ADK: variants seen among roughly 807,000 people sequenced by gnomAD.
ADK encodes adenosine kinase.
In ADK, 24 loss-of-function variants were observed where a neutral mutation model predicts 44.7. That is an observed-to-expected ratio of 0.54 (90% confidence interval 0.39 to 0.76). The LOEUF (loss-of-function observed/expected upper bound fraction) is 0.76. ADK is among the 30% of genes least tolerant of loss of function. ADK has a pLI of 0.00. For synonymous variants in ADK, 128 were observed against 142.6 expected, an observed-to-expected ratio of 0.90 and a Z score of 0.73; for missense variants, 321 against 425.1, an observed-to-expected ratio of 0.76 and a Z score of 2.15.
chr10:74,345,600 A>C (rs1159802751), intron 4 of ADK, among the ~76,000 whole-genome samples: 1 of 152,058 alleles, frequency 6.6e-6, no homozygotes, highest in African/African-American at 2.4e-5. Flanking sequence ...GAGCCACCAC[A>C]TCCAGCCTGC....
At chr10:74,158,748 T>A (rs568262474) in intron 1 of ADK, among the ~76,000 whole-genome samples, 1 of 152,356 alleles carries the variant, frequency 6.6e-6, no homozygotes, top group Non-Finnish European at 1.5e-5. Context: ...GGAACAATAA[T>A]TTCTCATCAG....
chr10:74,310,187 A>C (rs890531689), intron 3 of ADK, among the ~76,000 whole-genome samples: 1 of 152,166 alleles, frequency 6.6e-6, no homozygotes, highest in South Asian at 2.1e-4. Context: ...GGAGAAAGTA[A>C]GAAGGAATCT....
chr10:74,381,141 A>C (rs1049767624), intron 4 of ADK, among the ~76,000 whole-genome samples: 3 of 152,162 alleles, frequency 2.0e-5, no homozygotes, highest in African/African-American at 7.2e-5. Context: ...AAAATCTGTT[A>C]ATATATGTTA....
intron 7 of ADK, among the ~76,000 whole-genome samples, chr10:74,578,376 C>T (rs748314537): frequency 1.3e-5 from 2 of 151,928 alleles, no homozygotes; most frequent in African/African-American, 2.4e-5. Flanking sequence ...TGAAGGAAGT[C>T]CTGTCAAAAG....
At chr10:74,680,063 C>T (rs1855546304) in intron 10 of ADK, among the ~76,000 whole-genome samples, 1 of 151,828 alleles carries the variant, frequency 6.6e-6, no homozygotes, top group Non-Finnish European at 1.5e-5. Context: ...GCCTGTAATC[C>T]CAGCACTTTG....
chr10:74,205,794 C>T (rs967722635), intron 2 of ADK, among the ~76,000 whole-genome samples: 2 of 150,596 alleles, frequency 1.3e-5, no homozygotes, highest in Non-Finnish European at 3.0e-5. Context: ...AACCTTTTGA[C>T]AAAATCTAAT....
At chr10:74,513,127 G>A (rs770985127) in intron 6 of ADK, among the ~76,000 whole-genome samples, 1 of 152,008 alleles carries the variant, frequency 6.6e-6, no homozygotes, top group Non-Finnish European at 1.5e-5. Context: ...ATAAGTACTT[G>A]ATATTTTGAT....
At chr10:74,535,070 A>C (rs887978326) in intron 7 of ADK, among the ~76,000 whole-genome samples, 2 of 152,226 alleles carry the variant, frequency 1.3e-5, no homozygotes, top group Non-Finnish European at 2.9e-5. Flanking sequence ...GGATGTGGGC[A>C]TGAAAAGTAT....
intron 10 of ADK, among the ~76,000 whole-genome samples, chr10:74,680,739 T>C (rs1375189132): frequency 1.3e-5 from 2 of 152,178 alleles, no homozygotes; most frequent in Non-Finnish European, 2.9e-5. Flanking sequence ...AGGCTACTTA[T>C]CAGCAAAGGT....
chr10:74,348,930 A>T (rs1334250189), intron 4 of ADK, among the ~76,000 whole-genome samples: 1 of 152,148 alleles, frequency 6.6e-6, no homozygotes, highest in East Asian at 1.9e-4. Flanking sequence ...GACCAAACCT[A>T]TGATTGATTG....
intron 6 of ADK, among the ~76,000 whole-genome samples, chr10:74,508,905 T>A (rs183004699): frequency 1.3e-5 from 2 of 152,338 alleles, no homozygotes; most frequent in Non-Finnish European, 2.9e-5. Flanking sequence ...TTGATATATA[T>A]GTTTCTACTC....
At chr10:74,275,065 T>C in intron 3 of ADK, among the ~76,000 whole-genome samples, 1 of 152,006 alleles carries the variant, frequency 6.6e-6, no homozygotes, top group Non-Finnish European at 1.5e-5. Flanking sequence ...GAGGTGAAGC[T>C]GCAGGTTGTC....
chr10:74,689,844 T>C (rs1408173650), intron 10 of ADK, among the ~76,000 whole-genome samples: 4 of 152,212 alleles, frequency 2.6e-5, no homozygotes, highest in Admixed American at 1.3e-4. Flanking sequence ...AACTTGTTTA[T>C]TTTTCTTCTT....
Position 74,340,178 on chromosome 10 carries a change from C to T in ADK, c.273+25433C>T, listed in dbSNP as rs138344044. On this transcript the variant is annotated intron_variant, in intron 4 of 10. Coordinates refer to ENST00000539909, the MANE Select transcript of ADK (RefSeq NM_006721.4). ...GATTTTAAAATAGCATATTAATTTA[C>T]ATTTAATTTTAGTATTCAACTCTGA... 3.2e-3 allele frequency among the ~76,000 whole-genome samples: 484 copies of T among 152,162 alleles called. 2 individuals are homozygous for T. The highest frequency in any genetic ancestry group is 3.8e-3 in the Non-Finnish European group (261 of 67,960).
chr10:74,165,900 GCAAATGGATTAACT>G (rs1481908432), intron 1 of ADK, among the ~76,000 whole-genome samples: 3 of 152,150 alleles, frequency 2.0e-5, no homozygotes, highest in Non-Finnish European at 2.9e-5. Flanking sequence ...GGTATGGTTT[GCAAATGGATTAACT>G]CATTGAACTG....
At chr10:74,307,154 C>G (rs191293888) in intron 3 of ADK, among the ~76,000 whole-genome samples, 1 of 152,294 alleles carries the variant, frequency 6.6e-6, no homozygotes, top group East Asian at 1.9e-4. Flanking sequence ...TCCACTCCTT[C>G]TAGGGCTTTC....
intron 6 of ADK, among the ~76,000 whole-genome samples, chr10:74,509,969 TTATC>T (rs1399903275): frequency 2.0e-5 from 3 of 152,228 alleles, no homozygotes; most frequent in African/African-American, 2.4e-5. Flanking sequence ...CACATTTTCT[TTATC>T]CATTCATTTG....
chr10:74,509,794 C>T (rs1848231477), intron 6 of ADK, among the ~76,000 whole-genome samples: 1 of 151,996 alleles, frequency 6.6e-6, no homozygotes, highest in South Asian at 2.1e-4. Context: ...TCTATAAGAT[C>T]AACTTTTTTT....
At chr10:74,563,245 C>A (rs1343695588) in intron 7 of ADK, among the ~76,000 whole-genome samples, 1 of 152,162 alleles carries the variant, frequency 6.6e-6, no homozygotes. Flanking sequence ...GTTTTTAAGA[C>A]AGTTGAGCTC....
Sources: allele counts gnomAD v4.1 joint callset (sites outside exome capture counted in the v4.1 genomes callset), GRCh38; gene constraint gnomAD v4.1.1; transcripts MANE v1.5; gene names NCBI Gene and HGNC (gene_info 2026-07-23, HGNC 2026-07-21).